Variants in PITPNM2 observed in about 807,000 individuals in gnomAD.
The protein encoded by PITPNM2 is phosphatidylinositol transfer protein membrane associated 2, also known as membrane-associated phosphatidylinositol transfer protein 2.
Under a neutral mutation model 132.2 loss-of-function variants are expected in PITPNM2, and 35 were observed. That is an observed-to-expected ratio of 0.26 (90% CI 0.20 to 0.35). The LOEUF (loss-of-function observed/expected upper bound fraction) is 0.35. Ranked by LOEUF, PITPNM2 falls within the 10% of genes least tolerant of loss-of-function variation. The pLI is 1.00. For synonymous variants in PITPNM2, 738 were observed against 799.2 expected, an observed-to-expected ratio of 0.92 and a Z score of 1.29; for missense variants, 1,332 against 1,912.0, an observed-to-expected ratio of 0.70 and a Z score of 5.66.
intron 3 of PITPNM2, among the ~76,000 whole-genome samples, chr12:123,019,145 C>T (rs1234427164): frequency 6.6e-6 from 1 of 152,082 alleles, no homozygotes; most frequent in Non-Finnish European, 1.5e-5. Context: ...GATGGTTGCA[C>T]AACTCTGTGA....
intron 3 of PITPNM2, among the ~76,000 whole-genome samples, chr12:123,024,854 A>G (rs952742391): frequency 6.6e-6 from 1 of 152,122 alleles, no homozygotes; most frequent in Non-Finnish European, 1.5e-5. Context: ...ATAGGCTAAA[A>G]ACCACCGAAC....
intron 2 of PITPNM2, among the ~76,000 whole-genome samples, chr12:123,100,775 T>C (rs2042545634): frequency 6.6e-6 from 1 of 152,188 alleles, no homozygotes; most frequent in Admixed American, 6.5e-5. Context: ...GGAAAAGGCA[T>C]TAGCCATTCT....
At chr12:123,073,637 A>T (rs1180868937) in intron 2 of PITPNM2, among the ~76,000 whole-genome samples, 1 of 152,216 alleles carries the variant, frequency 6.6e-6, no homozygotes, top group Non-Finnish European at 1.5e-5. Context: ...CACGATGCAG[A>T]CTGTCTTTCT....
At position 123,023,680 on chromosome 12, in the gene PITPNM2, C is replaced by T. The variant is rs554696937; in HGVS notation, c.79-9638G>A. ...ATGTAAGGGCTCAAACTATAAAACT[C>T]TTAAGAGAAAACATAGGCATAAGTC... On this transcript the variant is annotated intron_variant, in intron 3 of 25. Transcript: ENST00000320201. This position sits in a 1 kb window ranked among gnomAD's most constrained non-coding sequence, Gnocchi z 4.8. Among the ~76,000 whole-genome samples the T allele has an allele frequency of 3.3e-5, 5 of 152,264 alleles. No homozygotes were observed. Among genetic ancestry groups the T allele is most frequent in the African/African-American group, 1.2e-4 (5 of 41,542 alleles).
intron 1 of PITPNM2, among the ~76,000 whole-genome samples, chr12:123,121,320 G>A (rs1269152667): frequency 6.6e-6 from 1 of 152,224 alleles, no homozygotes; most frequent in Non-Finnish European, 1.5e-5. Context: ...GCTGCAGTAG[G>A]ACATGATCAT....
At chr12:123,018,843 G>A (rs2039556637) in intron 3 of PITPNM2, among the ~76,000 whole-genome samples, 1 of 146,248 alleles carries the variant, frequency 6.8e-6, no homozygotes, top group African/African-American at 2.6e-5. Context: ...GAGTGCAGTG[G>A]CGAGATCTCA....
intron 3 of PITPNM2, among the ~76,000 whole-genome samples, chr12:123,020,207 G>A (rs955660363): frequency 2.6e-5 from 4 of 152,006 alleles, no homozygotes; most frequent in African/African-American, 9.7e-5. Flanking sequence ...TGCAACCTCC[G>A]CCTCCCAGGT....
At chr12:123,046,217 AT>A (rs1175002968) in intron 2 of PITPNM2, among the ~76,000 whole-genome samples, 1 of 152,036 alleles carries the variant, frequency 6.6e-6, no homozygotes, top group African/African-American at 2.4e-5. Flanking sequence ...CCCAGTGTGA[AT>A]GGCCCCCTCC....
intron 1 of PITPNM2, among the ~76,000 whole-genome samples, chr12:123,124,916 G>A (rs1399359001): frequency 6.6e-6 from 1 of 152,126 alleles, no homozygotes; most frequent in Non-Finnish European, 1.5e-5. Flanking sequence ...TCTTGCTAAT[G>A]TCTGGTGCAC....
Position 123,005,124 on chromosome 12 carries a change from G to A in PITPNM2, c.952+116C>T, listed in dbSNP as rs561439199. 22 of 1,279,902 alleles carry A rather than the reference G, an allele frequency of 1.7e-5. 1 individual carries two copies. The Admixed American group carries it at 4.3e-4, about 25-fold the overall frequency. 79.3% of individuals were successfully genotyped at this position (1,279,902 alleles called of 1,614,324 possible). The stretch of plus-strand genomic sequence containing the variant: ...CAGGGCTCTGACTCCCTCTGGGCTT[G>A]GTGCCTCAATGTCCATGGGAAAGAA... On this transcript the variant is annotated intron_variant, in intron 7 of 25. Transcript: ENST00000320201. The surrounding 1 kb of genome is among the most constrained non-coding windows in gnomAD (Gnocchi z 6.2).
intron 1 of PITPNM2, among the ~76,000 whole-genome samples, chr12:123,124,827 G>C (rs1004482357): frequency 2.0e-5 from 3 of 152,012 alleles, no homozygotes; most frequent in African/African-American, 7.3e-5. Context: ...AAATATATAT[G>C]ATCTTTATAT....
At chr12:123,010,201 G>T in intron 5 of PITPNM2, 124 bp from the exon 6 acceptor site, 1 of 762,972 alleles carries the variant, frequency 1.3e-6, no homozygotes, top group East Asian at 2.6e-5. Flanking sequence ...GAGGGACCCT[G>T]GGAGTGAGGA....
At chr12:123,132,247 C>T (rs539360634) in intron 1 of PITPNM2, among the ~76,000 whole-genome samples, 1 of 152,356 alleles carries the variant, frequency 6.6e-6, no homozygotes, top group South Asian at 2.1e-4. Flanking sequence ...AGATGTCATT[C>T]ATACGCAGTG....
intron 2 of PITPNM2, among the ~76,000 whole-genome samples, chr12:123,055,076 G>C (rs1329814394): frequency 6.6e-6 from 1 of 151,880 alleles, no homozygotes; most frequent in East Asian, 1.9e-4. Flanking sequence ...AAAAAGAAAA[G>C]AAAAGAAAAG....
At chr12:123,016,449 G>A (rs1327621176) in intron 3 of PITPNM2, among the ~76,000 whole-genome samples, 1 of 151,600 alleles carries the variant, frequency 6.6e-6, no homozygotes, top group East Asian at 2.0e-4. Context: ...CCAAATAGCT[G>A]GGACTATAGG....
intron 2 of PITPNM2, among the ~76,000 whole-genome samples, chr12:123,105,856 C>T (rs1055573587): frequency 7.9e-5 from 12 of 152,102 alleles, no homozygotes; most frequent in Non-Finnish European, 1.8e-4. Flanking sequence ...AAAGAGTTTC[C>T]CATGCTGAGA....
At chr12:123,145,170 T>G (rs971518115) in intron 1 of PITPNM2, among the ~76,000 whole-genome samples, 1 of 152,206 alleles carries the variant, frequency 6.6e-6, no homozygotes, top group East Asian at 1.9e-4. Context: ...AGAGAGACCC[T>G]GTCACAAAAA....
At chr12:123,114,157 C>T (rs1593023741) in intron 1 of PITPNM2, among the ~76,000 whole-genome samples, 2 of 152,290 alleles carry the variant, frequency 1.3e-5, no homozygotes, top group East Asian at 1.9e-4. Context: ...GTGAACATCG[C>T]TGTACAAATT....
chr12:123,012,648 T>G lies in PITPNM2; in HGVS notation c.380A>C (p.Asn127Thr). 1.9e-6 allele frequency: 3 copies of G among 1,614,060 alleles called. No homozygotes were observed. Among genetic ancestry groups the G allele is most frequent in the Non-Finnish European group, 2.5e-6 (3 of 1,179,954 alleles). ...TDAGENPDVF[N>T]LSPVEKNQLT... ...CTGGTTCTTTTCCACAGGAGAGAGGTTGAACACGTCGGGGTTTTCTCCAGC... is the reference window on the plus strand; with the variant it reads ...CTGGTTCTTTTCCACAGGAGAGAGGGTGAACACGTCGGGGTTTTCTCCAGC... The change falls in exon 5 of 26, where the codon AAC (asparagine) becomes ACC (threonine). Residue 127 changes from asparagine to threonine, a missense_variant. Physicochemically the swap from Asn to Thr is moderately conservative, Grantham distance 65. Transcript: ENST00000320201.
Sources: allele counts gnomAD v4.1 joint callset (sites outside exome capture counted in the v4.1 genomes callset), GRCh38; gene constraint gnomAD v4.1.1; non-coding constraint Gnocchi (gnomAD v3.1); transcripts MANE v1.5; gene names NCBI Gene and HGNC (gene_info 2026-07-23, HGNC 2026-07-21).